Variants in MACROD2 observed in about 807,000 individuals in gnomAD.
MACROD2 encodes ADP-ribose glycohydrolase MACROD2.
Under a neutral mutation model 70.4 loss-of-function variants are expected in MACROD2, and 36 were observed. The observed-to-expected ratio is 0.51, with a 90% CI of 0.39 to 0.68. The LOEUF (loss-of-function observed/expected upper bound fraction) is 0.68. MACROD2 is among the 30% of genes least tolerant of loss of function. MACROD2 has a pLI of 0.00. For missense variants in MACROD2, 496 were observed against 538.4 expected (o/e 0.92, Z 0.78); for synonymous variants, 172 against 178.8 (o/e 0.96, Z 0.30).
At chr20:14,989,464 A>G (rs1416666755) in intron 5 of MACROD2, among the ~76,000 whole-genome samples, 1 of 152,190 alleles carries the variant, frequency 6.6e-6, no homozygotes, top group Non-Finnish European at 1.5e-5. Context: ...GTACGCATTC[A>G]AGAAAGGGCA....
At chr20:15,755,592 G>T (rs1036322529) in intron 8 of MACROD2, among the ~76,000 whole-genome samples, 1 of 152,120 alleles carries the variant, frequency 6.6e-6, no homozygotes, top group African/African-American at 2.4e-5. Flanking sequence ...CTTTCTCCAT[G>T]CTTGTCTCAT....
rs138203447 is a variant in MACROD2, at chr20:15,977,436, T to C, written c.986-9291T>C. Among the ~76,000 whole-genome samples, 1,367 of 152,336 alleles carry C rather than the reference T, an allele frequency of 9.0e-3. 7 individuals carry two copies. Among genetic ancestry groups the C allele is most frequent in the Non-Finnish European group, 0.013 (875 of 68,024 alleles). ...GTGATTTGCCTAAAACATCCAGTTA[T>C]CTTTATTCCCATTCCAGGGTTCTCT... is the stretch of plus-strand genomic sequence containing the variant. On this transcript the variant is annotated intron_variant, in intron 13 of 17. Transcript: ENST00000684519.
intron 10 of MACROD2, chr20:15,893,846 C>T (rs1202880446): frequency 2.2e-6 from 1 of 456,652 alleles, no homozygotes; most frequent in Admixed American, 2.3e-5. Context: ...AGCAGAAGTG[C>T]AGGATAAAGG....
intron 5 of MACROD2, among the ~76,000 whole-genome samples, chr20:15,008,747 G>A (rs2075059357): frequency 6.6e-6 from 1 of 152,098 alleles, no homozygotes; most frequent in Non-Finnish European, 1.5e-5. Context: ...TGGCATGACT[G>A]GAGCCACTTT....
intron 5 of MACROD2, among the ~76,000 whole-genome samples, chr20:15,051,887 G>C (rs2123055045): frequency 6.6e-6 from 1 of 151,998 alleles, no homozygotes; most frequent in East Asian, 1.9e-4. Flanking sequence ...GAGTAGCTGG[G>C]ACTACAGGCA....
At position 15,354,467 on chromosome 20, in the gene MACROD2, T is replaced by A. The variant is rs532088912; in HGVS notation, c.541-76938T>A. Among the ~76,000 whole-genome samples, 335 of 152,280 alleles carry A rather than the reference T, an allele frequency of 2.2e-3. 2 individuals are homozygous for A. The Middle Eastern group carries it at 0.024, about 11-fold the overall frequency. ...TATACATATGTAACAAACCTGCACA[T>A]TGTGCACATGTACCCTAAAACTTAA... On this transcript the variant is annotated intron_variant, in intron 6 of 17. Transcript: ENST00000684519.
chr20:14,655,868 A>G (rs1231078178), intron 4 of MACROD2, among the ~76,000 whole-genome samples: 5 of 152,216 alleles, frequency 3.3e-5, no homozygotes, highest in African/African-American at 9.7e-5. Context: ...GATAGAGGCT[A>G]TCCTAAATCT....
At position 15,324,023 on chromosome 20, in the gene MACROD2, A is replaced by G. The variant is rs576727167; in HGVS notation, c.540+93962A>G. Among the ~76,000 whole-genome samples, 34 of 152,168 alleles carry G rather than the reference A, an allele frequency of 2.2e-4. No individual in the cohort carries two copies. The South Asian group carries it at 2.7e-3, about 12-fold the overall frequency. On this transcript the variant is annotated intron_variant, in intron 6 of 17. Coordinates refer to ENST00000684519, the MANE Select transcript of MACROD2 (RefSeq NM_001351661.2). Reference sequence around the variant, plus strand: ...CTCATGCTTGTGCTTCTTCTGTTCAATGTGACAAGGAACAAGATCTCTACA... The same window carrying G: ...CTCATGCTTGTGCTTCTTCTGTTCAGTGTGACAAGGAACAAGATCTCTACA...
chr20:15,018,018 T>C (rs563362231), intron 5 of MACROD2, among the ~76,000 whole-genome samples: 6 of 152,338 alleles, frequency 3.9e-5, no homozygotes, highest in African/African-American at 1.2e-4. Flanking sequence ...ATTAGGCTCC[T>C]TACTACTTAT....
chr20:16,016,725 G>A (rs13040115), intron 15 of MACROD2, among the ~76,000 whole-genome samples: 15,097 of 152,056 alleles, frequency 0.099, 733 homozygotes, highest in East Asian at 0.13. Context: ...TGGTAGAGAC[G>A]GGGTTTCACC....
chr20:14,478,814 A>G (rs1415079066), intron 3 of MACROD2, among the ~76,000 whole-genome samples: 1 of 152,178 alleles, frequency 6.6e-6, no homozygotes, highest in East Asian at 1.9e-4. Context: ...TTCTAAGGAC[A>G]ATTTAATTTT....
chr20:14,579,727 T>C (rs990970850), intron 4 of MACROD2, among the ~76,000 whole-genome samples: 1 of 152,204 alleles, frequency 6.6e-6, no homozygotes, highest in African/African-American at 2.4e-5. Flanking sequence ...CATTTTGTAT[T>C]TCAAAATCTA....
Position 14,729,244 on chromosome 20 carries a change from C to T in MACROD2, c.418+44285C>T, listed in dbSNP as rs374550531. Among the ~76,000 whole-genome samples the T allele has an allele frequency of 1.6e-4, 24 of 152,236 alleles. No individual in the cohort carries two copies. The South Asian group carries it at 4.6e-3, about 29-fold the overall frequency. ...TTATAAGTTAAAATACAGATATGCTCTAGTAGCAGAATTTCCACATAAGCA... is the reference window on the plus strand; with the variant it reads ...TTATAAGTTAAAATACAGATATGCTTTAGTAGCAGAATTTCCACATAAGCA... On this transcript the variant is annotated intron_variant, in intron 5 of 17. Transcript: ENST00000684519.
chr20:14,924,083 T>C (rs1444729216), intron 5 of MACROD2, among the ~76,000 whole-genome samples: 1 of 152,164 alleles, frequency 6.6e-6, no homozygotes, highest in Non-Finnish European at 1.5e-5. Context: ...TATTTTTAGT[T>C]TTTGGAAAGT....
At chr20:14,266,683 G>T (rs1248152542) in intron 3 of MACROD2, among the ~76,000 whole-genome samples, 1 of 152,004 alleles carries the variant, frequency 6.6e-6, no homozygotes, top group Non-Finnish European at 1.5e-5. Context: ...ATTGTTTTCT[G>T]TTGTCTCTAG....
At chr20:15,937,372 A>G (rs1276954829) in intron 11 of MACROD2, 104 bp from the exon 12 acceptor site, 21 of 989,858 alleles carry the variant, frequency 2.1e-5, no homozygotes, top group East Asian at 2.4e-5. Flanking sequence ...CGGCAGGCTC[A>G]TGCTTTCTTT....
chr20:15,304,718 C>G (rs377224666), intron 6 of MACROD2, among the ~76,000 whole-genome samples: 10 of 151,842 alleles, frequency 6.6e-5, no homozygotes, highest in African/African-American at 2.4e-4. Flanking sequence ...CTCTCCCTTA[C>G]GTGCCTGCCT....
At chr20:14,615,480 A>G (rs1983422812) in intron 4 of MACROD2, among the ~76,000 whole-genome samples, 1 of 152,108 alleles carries the variant, frequency 6.6e-6, no homozygotes, top group Non-Finnish European at 1.5e-5. Context: ...ACTTTTTCAA[A>G]TGGATGCCAT....
At chr20:15,607,704 T>C (rs1297577354) in intron 8 of MACROD2, among the ~76,000 whole-genome samples, 2 of 152,136 alleles carry the variant, frequency 1.3e-5, no homozygotes, top group African/African-American at 4.8e-5. Flanking sequence ...CGGATAATTT[T>C]TGTATTTTTA....
Sources: gnomAD v4.1 joint callset for allele counts (sites outside exome capture counted in the v4.1 genomes callset) on GRCh38, gnomAD v4.1.1 for gene constraint, MANE v1.5 for transcripts, NCBI Gene and HGNC (gene_info 2026-07-23, HGNC 2026-07-21) for gene names.